EDA: variants seen among roughly 807,000 people sequenced by gnomAD.
EDA encodes the protein ectodysplasin A.
Under a neutral mutation model 23.6 loss-of-function variants are expected in EDA, and 2 were observed. The observed-to-expected ratio is 0.08, with a 90% CI of 0.03 to 0.27. The LOEUF is 0.27. Ranked by LOEUF, EDA falls within the 10% of genes least tolerant of loss-of-function variation. The pLI is 1.00. For synonymous variants in EDA, 131 were observed against 132.0 expected (o/e 0.99, Z 0.05); for missense variants, 229 against 324.2 (o/e 0.71, Z 2.26).
chrX:69,990,740 C>CTTT (rs747453925), intron 2 of EDA, among the ~76,000 whole-genome samples: 2 of 90,784 alleles, frequency 2.2e-5, no homozygotes, highest in African/African-American at 4.1e-5. Flanking sequence ...TTTGCTAGGG[C>CTTT]TTTTTTTTTT....
intron 1 of EDA, among the ~76,000 whole-genome samples, chrX:69,867,743 A>G (rs1369686214): frequency 3.6e-5 from 4 of 111,993 alleles, no homozygotes; most frequent in Admixed American, 1.9e-4. Flanking sequence ...GGAACTCCTC[A>G]TGAGGCCATT....
At chrX:69,692,448 T>G (rs765865047) in intron 1 of EDA, among the ~76,000 whole-genome samples, 1 of 111,343 alleles carries the variant, frequency 9.0e-6, no homozygotes, top group Non-Finnish European at 1.9e-5. Context: ...TGCCATGGAA[T>G]ACAGAGAGTG....
chrX:69,917,576 T>C (rs2018364503), intron 1 of EDA, among the ~76,000 whole-genome samples: 1 of 111,574 alleles, frequency 9.0e-6, no homozygotes, highest in South Asian at 3.8e-4. Context: ...CAGATGATCC[T>C]CAAACCTTCC....
chrX:69,848,245 T>C (rs189290407), intron 1 of EDA, among the ~76,000 whole-genome samples: 1 of 111,842 alleles, frequency 8.9e-6, no homozygotes, highest in African/African-American at 3.2e-5. Context: ...TTAATTATTT[T>C]ACCTTAGGCC....
At position 69,835,739 on chromosome X, in the gene EDA, C is replaced by T. The variant is rs575161930; in HGVS notation, c.397-121288C>T. ...GTCAACTTGTCAGTCATTCTCCATCCAGCTTTGTTCCGCTGCTGTTGAGGA... is the reference window on the plus strand; with the variant it reads ...GTCAACTTGTCAGTCATTCTCCATCTAGCTTTGTTCCGCTGCTGTTGAGGA... On this transcript the variant is annotated intron_variant, in intron 1 of 7. Transcript: ENST00000374552. Among the ~76,000 whole-genome samples the T allele has an allele frequency of 7.1e-5, 8 of 111,982 alleles. No individual in the cohort carries two copies. The South Asian group carries it at 3.0e-3, about 42-fold the overall frequency.
intron 2 of EDA, among the ~76,000 whole-genome samples, chrX:69,992,092 C>G (rs991071665): frequency 8.9e-6 from 1 of 112,212 alleles, no homozygotes; most frequent in African/African-American, 3.2e-5. Flanking sequence ...TGGCCAGAGA[C>G]AGCAGGCTTT....
chrX:69,932,891 A>T (rs1221576885), intron 1 of EDA, among the ~76,000 whole-genome samples: 13 of 110,241 alleles, frequency 1.2e-4, no homozygotes, highest in African/African-American at 4.3e-4. Context: ...TAACTCACTT[A>T]TACTATCTCT....
At chrX:69,752,077 T>C (rs886896392) in intron 1 of EDA, among the ~76,000 whole-genome samples, 1 of 111,049 alleles carries the variant, frequency 9.0e-6, no homozygotes, top group African/African-American at 3.3e-5. Context: ...TTTCTTTCTC[T>C]TGCCTGATTG....
At chrX:69,733,084 T>C (rs1003303834) in intron 1 of EDA, among the ~76,000 whole-genome samples, 2 of 109,135 alleles carry the variant, frequency 1.8e-5, no homozygotes, top group African/African-American at 6.7e-5. Context: ...TCTTTTGCTG[T>C]GCAGAAGCTC....
intron 1 of EDA, among the ~76,000 whole-genome samples, chrX:69,716,338 T>A (rs757865250): frequency 8.9e-6 from 1 of 111,922 alleles, no homozygotes; most frequent in Non-Finnish European, 1.9e-5. Context: ...CCTTTCACCA[T>A]TGCTTGTTTT....
chrX:69,987,124 T>A (rs1339277998), intron 2 of EDA, among the ~76,000 whole-genome samples: 2 of 24,509 alleles, frequency 8.2e-5, no homozygotes, highest in African/African-American at 3.4e-4. Flanking sequence ...GGGACTGTGG[T>A]GGGGTCGGGG....
intron 1 of EDA, among the ~76,000 whole-genome samples, chrX:69,718,634 T>C (rs1043164096): frequency 7.2e-5 from 8 of 111,570 alleles, no homozygotes; most frequent in Non-Finnish European, 3.8e-5. Flanking sequence ...CTTGCATACC[T>C]GGAATAAACC....
intron 1 of EDA, among the ~76,000 whole-genome samples, chrX:69,812,163 G>A (rs761447923): frequency 1.5e-4 from 17 of 111,864 alleles, no homozygotes; most frequent in East Asian, 2.8e-4. Flanking sequence ...TTAAAATATC[G>A]ATGTTAGTAA....
chrX:69,846,563 G>C (rs188586762), intron 1 of EDA, among the ~76,000 whole-genome samples: 1 of 111,514 alleles, frequency 9.0e-6, no homozygotes, highest in Non-Finnish European at 1.9e-5. Flanking sequence ...CCAGAGTGCT[G>C]AGATTACAGG....
intron 1 of EDA, among the ~76,000 whole-genome samples, chrX:69,759,393 G>T (rs1004144468): frequency 1.8e-5 from 2 of 112,073 alleles, no homozygotes; most frequent in Admixed American, 9.5e-5. Flanking sequence ...ATGTGTGGCT[G>T]ACAGCTCTCC....
chrX:69,763,170 A>G (rs2014364087), intron 1 of EDA, among the ~76,000 whole-genome samples: 1 of 112,326 alleles, frequency 8.9e-6, no homozygotes, highest in Non-Finnish European at 1.9e-5. Context: ...AAGGTGTAAA[A>G]GTATTTTCTA....
chrX:69,793,377 T>TG (rs869201850), intron 1 of EDA, among the ~76,000 whole-genome samples: 1 of 296 alleles, frequency 3.4e-3, no homozygotes, highest in Non-Finnish European at 8.9e-3. Flanking sequence ...AATAGTAGGG[T>TG]TTTTTTTTTT....
intron 1 of EDA, among the ~76,000 whole-genome samples, chrX:69,676,876 G>A (rs972794980): frequency 2.8e-5 from 3 of 108,270 alleles, no homozygotes; most frequent in Non-Finnish European, 5.7e-5. Flanking sequence ...TGTGCACAAT[G>A]TGCAGGTTAG....
intron 1 of EDA, among the ~76,000 whole-genome samples, chrX:69,786,938 A>T (rs1394931356): frequency 2.0e-5 from 2 of 101,489 alleles, no homozygotes; most frequent in Non-Finnish European, 4.2e-5. Flanking sequence ...GTCTCTTTGT[A>T]GTTCACTCAG....
Sources: allele counts gnomAD v4.1 joint callset (sites outside exome capture counted in the v4.1 genomes callset), GRCh38; gene constraint gnomAD v4.1.1; transcripts MANE v1.5; gene names NCBI Gene and HGNC (gene_info 2026-07-23, HGNC 2026-07-21).